Variants in SPHKAP observed in about 807,000 individuals in gnomAD.
SPHKAP encodes the protein A-kinase anchor protein SPHKAP.
A neutral mutation model predicts 137.5 loss-of-function variants in SPHKAP; 67 were observed. The observed-to-expected ratio is 0.49, with a 90% confidence interval of 0.40 to 0.60. The LOEUF is 0.60. Among genes scored for constraint, SPHKAP ranks in the 20% least tolerant of loss-of-function variants. The pLI is 0.00. For synonymous variants in SPHKAP, 813 were observed against 785.3 expected (o/e 1.04, Z -0.59); for missense variants, 2,097 against 2,069.3 (o/e 1.01, Z -0.26).
intron 7 of SPHKAP, among the ~76,000 whole-genome samples, chr2:228,002,650 T>A (rs994921890): frequency 6.6e-6 from 1 of 152,224 alleles, no homozygotes; most frequent in Non-Finnish European, 1.5e-5. Context: ...CCCATGCCTA[T>A]GTCCTGAATG....
At chr2:227,992,688 G>A (rs1370283259) in intron 9 of SPHKAP, among the ~76,000 whole-genome samples, 1 of 152,150 alleles carries the variant, frequency 6.6e-6, no homozygotes, top group Non-Finnish European at 1.5e-5. Context: ...TGGCTGTGTG[G>A]AGCCACAAAG....
chr2:228,001,476 AAT>A (rs1291254439), intron 7 of SPHKAP, among the ~76,000 whole-genome samples: 2 of 143,742 alleles, frequency 1.4e-5, no homozygotes, highest in Non-Finnish European at 3.0e-5. Flanking sequence ...TATATATAAA[AAT>A]ATATATACGT....
At chr2:228,084,329 CA>C (rs1697469839) in intron 3 of SPHKAP, among the ~76,000 whole-genome samples, 1 of 152,112 alleles carries the variant, frequency 6.6e-6, no homozygotes, top group African/African-American at 2.4e-5. Flanking sequence ...GTTATATCAA[CA>C]GTAGAACATG....
intron 3 of SPHKAP, among the ~76,000 whole-genome samples, chr2:228,107,624 G>C (rs1698384714): frequency 6.6e-6 from 1 of 152,084 alleles, no homozygotes; most frequent in South Asian, 2.1e-4. Context: ...ATTAGGAGCT[G>C]TTCAAATCAC....
chr2:228,079,371 T>C (rs1697285363), intron 3 of SPHKAP, among the ~76,000 whole-genome samples: 1 of 152,156 alleles, frequency 6.6e-6, no homozygotes, highest in Non-Finnish European at 1.5e-5. Context: ...GGTCCATGGC[T>C]CTGGGGTTGG....
At chr2:228,118,402 A>G (rs1351221714) in intron 2 of SPHKAP, among the ~76,000 whole-genome samples, 2 of 152,048 alleles carry the variant, frequency 1.3e-5, no homozygotes, top group African/African-American at 4.8e-5. Flanking sequence ...CAAGAATGAA[A>G]TTACTAAGTC....
chr2:227,998,888 T>C (rs186909277), intron 7 of SPHKAP, among the ~76,000 whole-genome samples: 145 of 152,294 alleles, frequency 9.5e-4, no homozygotes, highest in African/African-American at 3.2e-3. Context: ...ATTATCTGCC[T>C]GCAGCTCTCC....
At chr2:227,985,959 G>A (rs1385773075) in intron 11 of SPHKAP, among the ~76,000 whole-genome samples, 1 of 152,188 alleles carries the variant, frequency 6.6e-6, no homozygotes, top group Non-Finnish European at 1.5e-5. Flanking sequence ...AGAGCTATCA[G>A]TCTGAGCCTT....
At position 228,042,393 on chromosome 2, in the gene SPHKAP, A is replaced by G. The variant is rs369692966; in HGVS notation, c.247-14850T>C. On this transcript the variant is annotated intron_variant, in intron 3 of 11. Coordinates refer to ENST00000392056, the MANE Select transcript of SPHKAP (RefSeq NM_001142644.2). ...TTTTAAAGATAATGGCTTTATTCAG[A>G]TCTAATTTACATACCATATGACGTA... Among the ~76,000 whole-genome samples, 9 of 152,276 alleles carry G rather than the reference A, an allele frequency of 5.9e-5. No individual in the cohort carries two copies. In the East Asian group the frequency reaches 1.7e-3, roughly 29 times the overall value.
At chr2:228,050,990 G>C (rs1696234770) in intron 3 of SPHKAP, among the ~76,000 whole-genome samples, 1 of 152,034 alleles carries the variant, frequency 6.6e-6, no homozygotes, top group African/African-American at 2.4e-5. Context: ...ATATTTTGTA[G>C]AGACAGGGTT....
intron 4 of SPHKAP, among the ~76,000 whole-genome samples, chr2:228,026,859 A>AAATCGTGTGCT (rs1695060811): frequency 6.6e-6 from 1 of 152,206 alleles, no homozygotes; most frequent in African/African-American, 2.4e-5. Flanking sequence ...ATCAAGTGGC[A>AAATCGTGTGCT]AATCGTGTGC....
At chr2:228,069,261 C>G (rs904888592) in intron 3 of SPHKAP, among the ~76,000 whole-genome samples, 1 of 152,136 alleles carries the variant, frequency 6.6e-6, no homozygotes, top group Non-Finnish European at 1.5e-5. Flanking sequence ...GAGCAAAACT[C>G]TGTCTCAAAA....
In SPHKAP at chr2:228,016,539, A is replaced by C; in HGVS notation, c.4315T>G (p.Cys1439Gly). ...AGGAAGGGTTCAGGTTCCCCAGCAC[A>C]GGCTTCTCTCTGATCTGTTTCAATC... ...IQIETDQREA[C>G]AGEPEPFLSK... Residue 1439 changes from cysteine (C) to glycine (G), a missense_variant, in exon 7 of 12, where the codon TGT becomes GGT. Cys to Gly is a radical substitution (Grantham distance 159). Coordinates refer to ENST00000392056, the MANE Select transcript of SPHKAP (RefSeq NM_001142644.2). The C allele has an allele frequency of 1.2e-6, 2 of 1,614,116 alleles. No individual in the cohort carries two copies. The highest frequency in any genetic ancestry group is 8.5e-7 in the Non-Finnish European group (1 of 1,180,030).
intron 1 of SPHKAP, among the ~76,000 whole-genome samples, chr2:228,161,430 G>T (rs923827986): frequency 3.9e-5 from 6 of 152,178 alleles, no homozygotes; most frequent in Admixed American, 3.9e-4. Context: ...GAAGAAAAAA[G>T]TTCGTAAGAT....
Position 228,025,521 on chromosome 2 carries a change from A to C in SPHKAP, c.314T>G (p.Val105Gly). The stretch of plus-strand genomic sequence containing the variant: ...TTTTGGAAGATCTGGTGAAACGTTG[A>C]CCAGTTTCTGTAAAGCAAGAATCTT... ...CSTEHLQQKL[V>G]NVSPDLPKLI... is the part of the protein sequence containing the mutation. The change falls in exon 5 of 12, where the codon GTC (valine) becomes GGC (glycine). Residue 105 changes from valine (V) to glycine (G), a missense_variant. Coordinates refer to ENST00000392056, the MANE Select transcript of SPHKAP (RefSeq NM_001142644.2). 1.2e-6 allele frequency: 2 copies of C among 1,613,580 alleles called. No individual in the cohort carries two copies. Among genetic ancestry groups the C allele is most frequent in the Middle Eastern group, 1.7e-4 (1 of 6,056 alleles).
intron 1 of SPHKAP, among the ~76,000 whole-genome samples, chr2:228,174,729 C>A (rs1333163827): frequency 1.3e-5 from 2 of 151,976 alleles, no homozygotes; most frequent in Non-Finnish European, 2.9e-5. Flanking sequence ...AGAACCAGAC[C>A]TAGGTATGGC....
At chr2:228,047,232 G>A (rs1467448883) in intron 3 of SPHKAP, among the ~76,000 whole-genome samples, 1 of 152,106 alleles carries the variant, frequency 6.6e-6, no homozygotes, top group Non-Finnish European at 1.5e-5. Flanking sequence ...TTGGGAGGCC[G>A]AAGTGAGCAG....
intron 3 of SPHKAP, among the ~76,000 whole-genome samples, chr2:228,045,966 A>G (rs1309316962): frequency 6.6e-6 from 1 of 152,114 alleles, no homozygotes; most frequent in African/African-American, 2.4e-5. Flanking sequence ...CAGTTTTAAG[A>G]TGAATCAGTT....
chr2:228,176,104 A>C (rs1237973381), intron 1 of SPHKAP, among the ~76,000 whole-genome samples: 2 of 152,230 alleles, frequency 1.3e-5, no homozygotes, highest in Non-Finnish European at 2.9e-5. Flanking sequence ...CAGAGTAGGT[A>C]AGCATTTTGC....
Sources: allele counts gnomAD v4.1 joint callset (sites outside exome capture counted in the v4.1 genomes callset), GRCh38; gene constraint gnomAD v4.1.1; transcripts MANE v1.5; gene names NCBI Gene and HGNC (gene_info 2026-07-23, HGNC 2026-07-21).